Variants in CACNA1E observed in about 807,000 individuals in gnomAD.
CACNA1E encodes voltage-dependent R-type calcium channel subunit alpha-1E.
In CACNA1E, 40 loss-of-function variants were observed where a neutral mutation model predicts 259.2. The ratio of observed to expected loss-of-function variants is 0.15; its 90% CI spans 0.12 to 0.20. The LOEUF is 0.20. Among genes scored for constraint, CACNA1E ranks in the 10% least tolerant of loss-of-function variants. The pLI is 1.00. For missense variants in CACNA1E, 1,874 were observed against 3,040.1 expected (o/e 0.62, Z 9.02); for synonymous variants, 1,104 against 1,138.5 (o/e 0.97, Z 0.61).
At chr1:181,559,267 G>A (rs1317061899) in intron 3 of CACNA1E, among the ~76,000 whole-genome samples, 1 of 152,200 alleles carries the variant, frequency 6.6e-6, no homozygotes, top group Non-Finnish European at 1.5e-5. Flanking sequence ...TGTAAAGAAT[G>A]GATTGCACAG....
chr1:181,613,862 C>G (rs188180873), intron 6 of CACNA1E, among the ~76,000 whole-genome samples: 1 of 152,290 alleles, frequency 6.6e-6, no homozygotes, highest in East Asian at 1.9e-4. Context: ...TGTTTTTTCA[C>G]TGGTGCCTGG....
chr1:181,387,383 A>G (rs1023434740), intron 1 of CACNA1E, among the ~76,000 whole-genome samples: 28 of 152,250 alleles, frequency 1.8e-4, no homozygotes, highest in African/African-American at 6.8e-4. Context: ...GATTAAAAAA[A>G]GGGCCTATTT....
At chr1:181,675,587 C>T (rs1360704925) in intron 7 of CACNA1E, among the ~76,000 whole-genome samples, 1 of 152,032 alleles carries the variant, frequency 6.6e-6, no homozygotes, top group Non-Finnish European at 1.5e-5. Context: ...ATAATGAGCT[C>T]CAAAAGTGGC....
intron 6 of CACNA1E, among the ~76,000 whole-genome samples, chr1:181,614,747 T>C (rs1655056867): frequency 6.6e-6 from 1 of 152,242 alleles, no homozygotes. Context: ...ATTTTAACTT[T>C]TTATAATCTG....
At chr1:181,616,891 T>A (rs1480714155) in intron 6 of CACNA1E, among the ~76,000 whole-genome samples, 2 of 152,372 alleles carry the variant, frequency 1.3e-5, no homozygotes, top group Non-Finnish European at 2.9e-5. Flanking sequence ...ACTTCTTGTG[T>A]CAATTACTGT....
In CACNA1E at chr1:181,527,111, G is replaced by A. The variant is rs530121323; in HGVS notation, c.512+15601G>A. The stretch of plus-strand genomic sequence containing the variant: ...TTGAGTTAATTTCTTAGTCCATTTG[G>A]ACAGCTATATCAAAAGTATCATAGA... On this transcript the variant is annotated intron_variant, in intron 3 of 47. Coordinates refer to ENST00000367573, the MANE Select transcript of CACNA1E (RefSeq NM_001205293.3). 6.4e-4 allele frequency among the ~76,000 whole-genome samples: 97 copies of A among 152,248 alleles called. 1 individual carries two copies. The highest frequency in any genetic ancestry group is 3.4e-3 in the Middle Eastern group (1 of 294).
intron 6 of CACNA1E, among the ~76,000 whole-genome samples, chr1:181,643,876 A>G (rs1658023271): frequency 2.0e-5 from 3 of 152,160 alleles, no homozygotes; most frequent in Non-Finnish European, 4.4e-5. Context: ...CTTACTCATA[A>G]CGGCCCCTGG....
At chr1:181,364,494 A>G (rs953451158) in intron 1 of CACNA1E, among the ~76,000 whole-genome samples, 1 of 152,198 alleles carries the variant, frequency 6.6e-6, no homozygotes, top group African/African-American at 2.4e-5. Flanking sequence ...GATGGAGGCT[A>G]TCCCAGAAGG....
At chr1:181,318,342 G>C (rs1323699983) in intron 1 of CACNA1E, among the ~76,000 whole-genome samples, 1 of 152,132 alleles carries the variant, frequency 6.6e-6, no homozygotes, top group South Asian at 2.1e-4. Context: ...CGCTCTGTCC[G>C]TTCCTTTGCA....
chr1:181,488,091 A>G (rs1230571565), intron 1 of CACNA1E, among the ~76,000 whole-genome samples: 1 of 152,188 alleles, frequency 6.6e-6, no homozygotes, highest in Admixed American at 6.5e-5. Context: ...ATGCTTTACT[A>G]CTGTGAATCT....
intron 1 of CACNA1E, among the ~76,000 whole-genome samples, chr1:181,352,352 G>A (rs1026620263): frequency 2.6e-5 from 4 of 152,122 alleles, no homozygotes; most frequent in South Asian, 2.1e-4. Flanking sequence ...GAGTACTTCC[G>A]TTGGCATAAC....
rs529298711 is a variant in CACNA1E, at chr1:181,510,466, C to T, written c.267-11C>T. 1.2e-5 allele frequency: 20 copies of T among 1,604,238 alleles called. No homozygotes were observed. Among genetic ancestry groups the T allele is most frequent in the South Asian group, 4.4e-5 (4 of 90,856 alleles). ...CTCTGGTGAATTTGTTCCTTAACTCCGCTTTCCCACGCCATTTGAGTACAT... is the reference window on the plus strand; with the variant it reads ...CTCTGGTGAATTTGTTCCTTAACTCTGCTTTCCCACGCCATTTGAGTACAT... On this transcript the variant is annotated splice_polypyrimidine_tract_variant and intron_variant, in intron 1 of 47. Coordinates refer to ENST00000367573, the MANE Select transcript of CACNA1E (RefSeq NM_001205293.3).
chr1:181,369,008 CT>C (rs1654492527), intron 1 of CACNA1E, among the ~76,000 whole-genome samples: 1 of 152,156 alleles, frequency 6.6e-6, no homozygotes, highest in South Asian at 2.1e-4. Context: ...GAATGATGTT[CT>C]ATCAGGAGGA....
chr1:181,621,146 G>A (rs1558193892), intron 6 of CACNA1E, among the ~76,000 whole-genome samples: 1 of 152,250 alleles, frequency 6.6e-6, no homozygotes, highest in South Asian at 2.1e-4. Context: ...TAGGAAAGCA[G>A]TGACAAAAAT....
At chr1:181,528,771 A>G (rs546626771) in intron 3 of CACNA1E, among the ~76,000 whole-genome samples, 20 of 152,304 alleles carry the variant, frequency 1.3e-4, no homozygotes, top group African/African-American at 4.8e-4. Context: ...GAGATGATTT[A>G]GGGTGTCTGG....
chr1:181,547,937 A>G (rs1356649429), intron 3 of CACNA1E, among the ~76,000 whole-genome samples: 4 of 152,130 alleles, frequency 2.6e-5, no homozygotes, highest in African/African-American at 7.2e-5. Flanking sequence ...AGAACTTACT[A>G]TCTACTTGTT....
intron 6 of CACNA1E, among the ~76,000 whole-genome samples, chr1:181,625,602 T>G (rs1454579421): frequency 6.6e-6 from 1 of 152,174 alleles, no homozygotes; most frequent in Non-Finnish European, 1.5e-5. Context: ...TTCACAGAAT[T>G]GAGGAGACTT....
chr1:181,548,155 C>T (rs1647717703), intron 3 of CACNA1E, among the ~76,000 whole-genome samples: 1 of 113,706 alleles, frequency 8.8e-6, no homozygotes, highest in East Asian at 2.7e-4. Flanking sequence ...GTCAGGGTCT[C>T]ATTCTGTCAC....
chr1:181,702,579 T>C (rs927136964), intron 7 of CACNA1E, among the ~76,000 whole-genome samples: 1 of 152,200 alleles, frequency 6.6e-6, no homozygotes. Flanking sequence ...ACTTCCCCAC[T>C]GCCTGCTACC....
Sources: gnomAD v4.1 joint callset for allele counts (sites outside exome capture counted in the v4.1 genomes callset) on GRCh38, gnomAD v4.1.1 for gene constraint, MANE v1.5 for transcripts, NCBI Gene and HGNC (gene_info 2026-07-23, HGNC 2026-07-21) for gene names.